The following KIF9 variants were observed in gnomAD, a reference collection of about 807,000 sequenced individuals.
KIF9 encodes kinesin family member 9.
In KIF9, 68 loss-of-function variants were observed where a neutral mutation model predicts 94.8. That is an observed-to-expected ratio of 0.72 (90% CI 0.59 to 0.88). The LOEUF is 0.88. Among genes scored for constraint, KIF9 ranks in the 40% least tolerant of loss-of-function variants. The pLI is 0.00. For synonymous variants in KIF9, 343 were observed against 362.1 expected (o/e 0.95, Z 0.60); for missense variants, 882 against 982.5 (o/e 0.90, Z 1.37).
intron 7 of KIF9, 194 bp from the exon 8 acceptor site, chr3:47,266,071 G>C: frequency 1.8e-6 from 1 of 548,326 alleles, no homozygotes; most frequent in Non-Finnish European, 3.2e-6. Flanking sequence ...CCAAAACTCA[G>C]AAATATTCAT....
At chr3:47,265,103 G>C (rs539078040) in intron 8 of KIF9, among the ~76,000 whole-genome samples, 1 of 152,294 alleles carries the variant, frequency 6.6e-6, no homozygotes, top group Non-Finnish European at 1.5e-5. Flanking sequence ...ACTGAGACAG[G>C]GTCAGAGAGG....
In KIF9 at chr3:47,282,658, C is replaced by T. The variant is rs1379597122; in HGVS notation, c.-169G>A. 15 of 1,234,042 alleles carry T rather than the reference C, an allele frequency of 1.2e-5. No individual in the cohort carries two copies. The Admixed American group carries it at 3.8e-4, about 31-fold the overall frequency. The allele number at this position is 1,234,042 out of a possible 1,614,324, so 76.4% of individuals were successfully genotyped here. Reference sequence around the variant, plus strand: ...GGCGGAAATGAAGTCCGAGGTCCTACGTCGAGGATACGGGTGAGGTCATGG... The same window carrying T: ...GGCGGAAATGAAGTCCGAGGTCCTATGTCGAGGATACGGGTGAGGTCATGG... On this transcript the variant is annotated 5_prime_UTR_variant, in exon 1 of 21. Transcript: ENST00000684063.
chr3:47,242,243 T>G (rs13315297), intron 16 of KIF9, among the ~76,000 whole-genome samples: 1 of 152,080 alleles, frequency 6.6e-6, no homozygotes, highest in Non-Finnish European at 1.5e-5. Flanking sequence ...CTTACTTTTT[T>G]CAAAAAAGCA....
chr3:47,236,606 G>A lies in KIF9; in HGVS notation c.1938C>T (p.Asn646=). Residue 646 remains asparagine, a synonymous_variant, in exon 18 of 21, where the codon AAC becomes AAT. Transcript: ENST00000684063. ...CCTCATCGATGATCATCAGCCCCTT[G>A]TTTTCGTACTTGCCTGCAAGGTGAT... The part of the protein sequence containing the change: ...SLREKQGKYE[N]KGLMIIDEEE... 6.2e-7 allele frequency: 1 copy of A among 1,613,808 alleles called. No individual in the cohort carries two copies. Among genetic ancestry groups the A allele is most frequent in the Non-Finnish European group, 8.5e-7 (1 of 1,180,016 alleles).
chr3:47,264,037 T>C, intron 9 of KIF9: 1 of 560,148 alleles, frequency 1.8e-6, no homozygotes, highest in East Asian at 3.9e-5. Context: ...TCAGCCTCCC[T>C]CCTCACACAG....
chr3:47,256,626 C>T (rs528143403), intron 10 of KIF9, among the ~76,000 whole-genome samples: 1 of 152,214 alleles, frequency 6.6e-6, no homozygotes, highest in African/African-American at 2.4e-5. Context: ...CCGGCCACCA[C>T]CCCGTCTGGG....
intron 5 of KIF9, among the ~76,000 whole-genome samples, chr3:47,269,282 ATTTCT>A (rs1460570107): frequency 6.6e-6 from 1 of 152,110 alleles, no homozygotes; most frequent in Non-Finnish European, 1.5e-5. Context: ...CACTTGACTG[ATTTCT>A]TTTCTTGTTT....
chr3:47,236,729 AC>A (rs1385204384), intron 17 of KIF9, 110 bp from the exon 18 acceptor site: 3 of 945,628 alleles, frequency 3.2e-6, no homozygotes, highest in Non-Finnish European at 4.8e-6. Flanking sequence ...AAGACAGGAG[AC>A]CACAGGCAGG....
chr3:47,238,721 C>T (rs947953977), intron 17 of KIF9, among the ~76,000 whole-genome samples: 4 of 151,908 alleles, frequency 2.6e-5, no homozygotes, highest in African/African-American at 4.8e-5. Flanking sequence ...AGTGCAGTGG[C>T]GCAATCTCGA....
At chr3:47,249,015 T>A (rs890244614) in intron 10 of KIF9, among the ~76,000 whole-genome samples, 5 of 151,956 alleles carry the variant, frequency 3.3e-5, no homozygotes, top group Non-Finnish European at 5.9e-5. Context: ...GGATTACAGA[T>A]GTGAGCCACT....
rs139633780 is a variant in KIF9 at position 47,263,156 on chromosome 3, C to G, written c.981+1130G>C. 8.8e-3 allele frequency among the ~76,000 whole-genome samples: 1,342 copies of G among 152,330 alleles called. 9 individuals are homozygous for G. The highest frequency in any genetic ancestry group is 0.014 in the Non-Finnish European group (936 of 68,020). Reference sequence around the variant, plus strand: ...AGGTGATCCACCCGCTTCAGCCTCCCAAAGTGCTGGGATTACAGGCGTGAA... The same window carrying G: ...AGGTGATCCACCCGCTTCAGCCTCCGAAAGTGCTGGGATTACAGGCGTGAA... On this transcript the variant is annotated intron_variant, in intron 9 of 20. Coordinates refer to ENST00000684063, the MANE Select transcript of KIF9 (RefSeq NM_182902.4).
intron 20 of KIF9, among the ~76,000 whole-genome samples, chr3:47,235,284 C>A (rs1205390928): frequency 6.6e-6 from 1 of 152,228 alleles, no homozygotes; most frequent in Non-Finnish European, 1.5e-5. Flanking sequence ...CATACATAGG[C>A]TAGTCAGTAC....
At chr3:47,245,816 T>C in intron 13 of KIF9, 1 of 491,190 alleles carries the variant, frequency 2.0e-6, no homozygotes, top group Non-Finnish European at 3.7e-6. Flanking sequence ...TCTTAGGTTC[T>C]GTCTCTAAGA....
At chr3:47,255,481 G>A (rs1700513922) in intron 10 of KIF9, among the ~76,000 whole-genome samples, 1 of 152,110 alleles carries the variant, frequency 6.6e-6, no homozygotes, top group Non-Finnish European at 1.5e-5. Flanking sequence ...TAGCTCTAAG[G>A]AAATCTCATG....
At chr3:47,280,877 C>T (rs1702287709) in intron 1 of KIF9, 2 of 702,664 alleles carry the variant, frequency 2.8e-6, no homozygotes, top group South Asian at 3.0e-5. Flanking sequence ...CTTTGCACAC[C>T]CGTCTTGTGA....
In KIF9 at chr3:47,264,349, C is replaced by T; in HGVS notation, c.918G>A (p.Gly306=). The T allele has an allele frequency of 6.2e-7, 1 of 1,613,288 alleles. No individual in the cohort carries two copies. Among genetic ancestry groups the T allele is most frequent in the Admixed American group, 1.7e-5 (1 of 60,010 alleles). Residue 306 remains glycine (G), a splice_region_variant and synonymous_variant, in exon 9 of 21, where the codon GGG becomes GGA. Transcript: ENST00000684063. ...KLTHALKDSL[G]GNCNMVLVTN... ...TCACGAGGACCATATTGCAGTTTCC[C>T]CCTGCGGAAAGCAAGACACAGAAGG...
chr3:47,277,694 G>T (rs1702066868), intron 1 of KIF9, among the ~76,000 whole-genome samples: 1 of 152,106 alleles, frequency 6.6e-6, no homozygotes, highest in Admixed American at 6.5e-5. Context: ...TTCTAGAAAT[G>T]TTCTGCAACT....
At chr3:47,247,296 A>C in intron 12 of KIF9, 77 bp downstream of exon 12, 2 of 919,126 alleles carry the variant, frequency 2.2e-6, no homozygotes, top group Non-Finnish European at 3.6e-6. Context: ...TGAGGCCAGC[A>C]GAGCATGCGT....
At chr3:47,241,884 A>ATATATT (rs1387311165) in intron 16 of KIF9, among the ~76,000 whole-genome samples, 7 of 114,288 alleles carry the variant, frequency 6.1e-5, no homozygotes, top group African/African-American at 1.8e-4. Context: ...ATATATATAT[A>ATATATT]TTTTTTTTTT....
Sources: gnomAD v4.1 joint callset for allele counts (sites outside exome capture counted in the v4.1 genomes callset) on GRCh38, gnomAD v4.1.1 for gene constraint, MANE v1.5 for transcripts, NCBI Gene and HGNC (gene_info 2026-07-23, HGNC 2026-07-21) for gene names.